PDE4B: variants seen among roughly 807,000 people sequenced by gnomAD.
PDE4B encodes the protein 3',5'-cyclic-AMP phosphodiesterase 4B.
Under a neutral mutation model 82.2 loss-of-function variants are expected in PDE4B, and 20 were observed. The ratio of observed to expected loss-of-function variants is 0.24; its 90% CI spans 0.17 to 0.35. PDE4B has a LOEUF of 0.35. PDE4B is among the 10% of genes least tolerant of loss of function. PDE4B has a pLI of 1.00. For missense variants in PDE4B, 655 were observed against 907.2 expected, an observed-to-expected ratio of 0.72 and a Z score of 3.57; for synonymous variants, 320 against 318.9, an observed-to-expected ratio of 1.00 and a Z score of -0.04.
chr1:66,063,154 T>A (rs1056810624), intron 3 of PDE4B, among the ~76,000 whole-genome samples: 1 of 152,000 alleles, frequency 6.6e-6, no homozygotes, highest in Non-Finnish European at 1.5e-5. Flanking sequence ...TTTTGCCCAA[T>A]GAGTAGTTTA....
chr1:66,140,876 C>A (rs904524544), intron 3 of PDE4B, among the ~76,000 whole-genome samples: 4 of 152,112 alleles, frequency 2.6e-5, no homozygotes, highest in Non-Finnish European at 4.4e-5. Flanking sequence ...AGCTTTGTGG[C>A]AATTGGTTTC....
chr1:66,162,450 G>A (rs1234253002), intron 3 of PDE4B, among the ~76,000 whole-genome samples: 1 of 151,566 alleles, frequency 6.6e-6, no homozygotes, highest in Non-Finnish European at 1.5e-5. Context: ...AACAGAGCAG[G>A]TAAACTCTGT....
intron 3 of PDE4B, among the ~76,000 whole-genome samples, chr1:65,926,000 G>A (rs930558352): frequency 2.0e-5 from 3 of 152,078 alleles, no homozygotes; most frequent in Non-Finnish European, 4.4e-5. Flanking sequence ...TTTTACCTTT[G>A]CAATGAGAAA....
At chr1:65,792,859 G>C (rs1207054119), upstream of PDE4B, among the ~76,000 whole-genome samples, 2 of 152,004 alleles carry the variant, frequency 1.3e-5, no homozygotes, top group Non-Finnish European at 2.9e-5. Flanking sequence ...TCCGGGGGGC[G>C]GGGGTGGACA....
intron 7 of PDE4B, among the ~76,000 whole-genome samples, chr1:66,307,383 A>T (rs1658356445): frequency 6.6e-6 from 1 of 152,100 alleles, no homozygotes; most frequent in African/African-American, 2.4e-5. Context: ...CCTGCAAGAA[A>T]CTAGAGGAGA....
At chr1:66,092,727 C>T (rs529798412) in intron 3 of PDE4B, among the ~76,000 whole-genome samples, 1 of 151,996 alleles carries the variant, frequency 6.6e-6, no homozygotes, top group South Asian at 2.1e-4. Flanking sequence ...AGCATTTAAG[C>T]TGAGAGATGA....
At chr1:66,054,128 C>T (rs1655180768) in intron 3 of PDE4B, among the ~76,000 whole-genome samples, 1 of 152,098 alleles carries the variant, frequency 6.6e-6, no homozygotes, top group African/African-American at 2.4e-5. Flanking sequence ...GACTCTGAAG[C>T]TTGTGCTTTT....
chr1:66,268,501 C>T (rs2101738366), intron 7 of PDE4B, among the ~76,000 whole-genome samples: 1 of 151,860 alleles, frequency 6.6e-6, no homozygotes, highest in East Asian at 1.9e-4. Context: ...AACCCCATCT[C>T]TACTAAAACT....
intron 3 of PDE4B, among the ~76,000 whole-genome samples, chr1:66,036,647 C>T (rs1654079070): frequency 1.3e-5 from 2 of 152,122 alleles, no homozygotes; most frequent in Non-Finnish European, 2.9e-5. Flanking sequence ...GGGTTTATTT[C>T]TGTGCTCTCT....
chr1:66,271,552 A>G (rs1420114943), intron 7 of PDE4B, among the ~76,000 whole-genome samples: 2 of 152,252 alleles, frequency 1.3e-5, no homozygotes, highest in African/African-American at 4.8e-5. Context: ...AGGTTTTGCT[A>G]TAGCAGTAAG....
At chr1:66,239,939 A>G (rs1270775168) in intron 3 of PDE4B, among the ~76,000 whole-genome samples, 1 of 152,262 alleles carries the variant, frequency 6.6e-6, no homozygotes, top group African/African-American at 2.4e-5. Context: ...AGGAACATTG[A>G]GAAGTACTTG....
chr1:65,796,037 A>G (rs1645628413), intron 1 of PDE4B, among the ~76,000 whole-genome samples: 1 of 152,128 alleles, frequency 6.6e-6, no homozygotes, highest in Non-Finnish European at 1.5e-5. Flanking sequence ...GAAAAATGTT[A>G]TGTCACTTCA....
In PDE4B at chr1:66,365,727, G is replaced by C. The variant is rs1359605542; in HGVS notation, c.1345G>C (p.Asp449His). The C allele has an allele frequency of 8.1e-6, 13 of 1,609,188 alleles. No individual in the cohort carries two copies. The highest frequency in any genetic ancestry group is 1.1e-5 in the Non-Finnish European group (13 of 1,176,272). The part of the protein sequence containing the change: ...AIFAAAIHDV[D>H]HPGVSNQFLI... Reference sequence around the variant, plus strand: ...TTTTGCAGCTGCCATCCATGACGTTGATCATCCTGGAGTCTCCAATCAGTT... The same window carrying C: ...TTTTGCAGCTGCCATCCATGACGTTCATCATCCTGGAGTCTCCAATCAGTT... The change falls in exon 13 of 17, where the codon GAT becomes CAT. Residue 449 changes from aspartate to histidine, a missense_variant. Coordinates refer to ENST00000341517, the MANE Select transcript of PDE4B (RefSeq NM_002600.4).
chr1:66,352,453 C>A (rs1661908312), intron 8 of PDE4B, among the ~76,000 whole-genome samples: 1 of 152,162 alleles, frequency 6.6e-6, no homozygotes, highest in Admixed American at 6.5e-5. Flanking sequence ...AAGTGATTGA[C>A]AATGTATCCC....
At chr1:65,820,558 G>T (rs1183169308) in intron 1 of PDE4B, among the ~76,000 whole-genome samples, 1 of 152,138 alleles carries the variant, frequency 6.6e-6, no homozygotes, top group East Asian at 1.9e-4. Context: ...TAGAGGCAGA[G>T]TAAGAGCATA....
At chr1:66,066,539 A>G (rs1157360538) in intron 3 of PDE4B, among the ~76,000 whole-genome samples, 1 of 151,940 alleles carries the variant, frequency 6.6e-6, no homozygotes, top group Admixed American at 6.6e-5. Context: ...GTTAATGCAC[A>G]TGTGACGTGC....
At chr1:65,835,438 C>A (rs1171365138) in intron 1 of PDE4B, among the ~76,000 whole-genome samples, 1 of 152,038 alleles carries the variant, frequency 6.6e-6, no homozygotes, top group Non-Finnish European at 1.5e-5. Context: ...AAAATTTTAA[C>A]CCAGAAAAGT....
At chr1:65,868,396 C>G (rs1206622558) in intron 1 of PDE4B, among the ~76,000 whole-genome samples, 1 of 152,198 alleles carries the variant, frequency 6.6e-6, no homozygotes, top group African/African-American at 2.4e-5. Context: ...AGGACACTGT[C>G]TGGTGCTAGG....
intron 1 of PDE4B, among the ~76,000 whole-genome samples, chr1:65,815,026 TTTA>T (rs1645865000): frequency 2.3e-4 from 1 of 4,368 alleles, no homozygotes; most frequent in Non-Finnish European, 8.2e-3. Context: ...ACACATTTTA[TTTA>T]TTTATTTATT....
Sources: allele counts gnomAD v4.1 joint callset (sites outside exome capture counted in the v4.1 genomes callset), GRCh38; gene constraint gnomAD v4.1.1; transcripts MANE v1.5; gene names NCBI Gene and HGNC (gene_info 2026-07-23, HGNC 2026-07-21).